Variants in SLC34A2 observed in about 807,000 individuals in gnomAD.
The protein encoded by SLC34A2 is solute carrier family 34 member 2, also known as sodium-dependent phosphate transport protein 2B.
Under a neutral mutation model 50.8 loss-of-function variants are expected in SLC34A2, and 41 were observed. The observed-to-expected ratio is 0.81, with a 90% confidence interval of 0.63 to 1.05. SLC34A2 has a LOEUF of 1.05. Ranked by LOEUF, SLC34A2 falls within the 50% of genes least tolerant of loss-of-function variation. The pLI, the probability that SLC34A2 is intolerant of heterozygous loss-of-function variation, is 0.00. For synonymous variants in SLC34A2, 401 were observed against 364.2 expected, an observed-to-expected ratio of 1.10 and a Z score of -1.15; for missense variants, 879 against 876.7, an observed-to-expected ratio of 1.00 and a Z score of -0.03.
intron 10 of SLC34A2, 67 bp from the exon 11 acceptor site, chr4:25,674,210 TCACCCCTAAGCCCAGCCCC>T (rs1386708463): frequency 6.4e-5 from 58 of 907,652 alleles, no homozygotes; most frequent in Non-Finnish European, 9.9e-5. Flanking sequence ...ATGTACAACC[TCACCCCTAAGCCCAGCCCC>T]TACCCCAGGC....
Position 25,674,512 on chromosome 4 carries a change from C to G in SLC34A2, c.1341C>G (p.Gly447=). The G allele has an allele frequency of 1.2e-6, 2 of 1,614,216 alleles. No homozygotes were observed. Among genetic ancestry groups the G allele is most frequent in the Non-Finnish European group, 1.7e-6 (2 of 1,180,038 alleles). The change falls in exon 12 of 13, where the codon GGC becomes GGG. Residue 447 remains glycine (G), a synonymous_variant. Coordinates refer to ENST00000382051, the MANE Select transcript of SLC34A2 (RefSeq NM_006424.3). ...GTTTTGTGTTTCCCCCAGGAATCGG[C>G]GTGATAACCATTGAGAGGGCTTATC... ...TSALTPLIGI[G]VITIERAYPL... is the part of the protein sequence containing the mutation.
intron 8 of SLC34A2, among the ~76,000 whole-genome samples, chr4:25,671,260 T>C (rs573312051): frequency 3.9e-5 from 6 of 152,256 alleles, no homozygotes; most frequent in African/African-American, 1.4e-4. Context: ...ATTCATGCCC[T>C]CTGTCAGGAA....
chr4:25,664,328 G>T lies in SLC34A2; in HGVS notation c.377G>T (p.Gly126Val). The stretch of plus-strand genomic sequence containing the variant: ...CTTAGTAGCGCCTTCCAGCTGGTTG[G>T]AGGTAAGAATGAAAGGGTGAGAGGT... ...DILSSAFQLV[G>V]GKMAGQFFSN... is the part of the protein sequence containing the mutation. The change falls in exon 4 of 13, where the codon GGA becomes GTA. Residue 126 changes from glycine (G) to valine (V), a missense_variant and splice_region_variant. Transcript: ENST00000382051. 1 of 1,614,130 alleles carries T rather than the reference G, an allele frequency of 6.2e-7. No homozygotes were observed. Among genetic ancestry groups the T allele is most frequent in the South Asian group, 1.1e-5 (1 of 91,086 alleles).
At chr4:25,670,955 AAAAATC>A in intron 8 of SLC34A2, 122 bp downstream of exon 8, 1 of 811,668 alleles carries the variant, frequency 1.2e-6, no homozygotes, top group Non-Finnish European at 2.1e-6. Flanking sequence ...GGAGTCCCTG[AAAAATC>A]AAAAGTGACC....
chr4:25,667,828 T>C, intron 5 of SLC34A2, 52 bp from the exon 6 acceptor site: 1 of 1,223,034 alleles, frequency 8.2e-7, no homozygotes, highest in Non-Finnish European at 1.2e-6. Context: ...AACTTTAGCC[T>C]GCCTCCAGGC....
Position 25,669,785 on chromosome 4 carries a change from A to C in SLC34A2, c.774A>C (p.Glu258Asp), listed in dbSNP as rs1305633157. The C allele has an allele frequency of 3.7e-6, 6 of 1,614,216 alleles. No individual in the cohort carries two copies. The highest frequency in any genetic ancestry group is 5.1e-6 in the Non-Finnish European group (6 of 1,180,046). The change falls in exon 7 of 13, where the codon GAA becomes GAC. Residue 258 changes from glutamate (E) to aspartate (D), a missense_variant. By Grantham distance (45) the Glu-to-Asp change is conservative. Coordinates refer to ENST00000382051, the MANE Select transcript of SLC34A2 (RefSeq NM_006424.3). Reference sequence around the variant, plus strand: ...AGAGCTTCCACTTCAAGAATGGAGAAGATGCCCCAGATCTTCTGAAAGTCA... The same window carrying C: ...AGAGCTTCCACTTCAAGAATGGAGACGATGCCCCAGATCTTCTGAAAGTCA... ...IVESFHFKNG[E>D]DAPDLLKVIT... is the part of the protein sequence containing the mutation.
chr4:25,668,556 C>T (rs954495858), intron 6 of SLC34A2, among the ~76,000 whole-genome samples: 4 of 151,814 alleles, frequency 2.6e-5, no homozygotes, highest in East Asian at 1.9e-4. Context: ...GCAGGAGAAT[C>T]GCTTGAACCC....
At chr4:25,673,728 C>G (rs76627887) in intron 10 of SLC34A2, among the ~76,000 whole-genome samples, 3 of 152,192 alleles carry the variant, frequency 2.0e-5, no homozygotes, top group African/African-American at 7.2e-5. Flanking sequence ...AATGAGAGCT[C>G]GCTAAGCCAA....
At chr4:25,675,330 C>T (rs1197707254) in intron 12 of SLC34A2, among the ~76,000 whole-genome samples, 2 of 152,200 alleles carry the variant, frequency 1.3e-5, no homozygotes, top group African/African-American at 2.4e-5. Context: ...TGCACCCAGC[C>T]GGGGATTTGA....
chr4:25,661,456 C>T (rs765183259), intron 1 of SLC34A2, among the ~76,000 whole-genome samples: 1 of 152,190 alleles, frequency 6.6e-6, no homozygotes, highest in Non-Finnish European at 1.5e-5. Flanking sequence ...GGCATGATCT[C>T]AGTTCACTAC....
chr4:25,666,003 T>A, intron 4 of SLC34A2, 125 bp from the exon 5 acceptor site: 1 of 1,164,936 alleles, frequency 8.6e-7, no homozygotes, highest in Non-Finnish European at 1.3e-6. Flanking sequence ...CCTGCAGCGA[T>A]GGAGGCTGGA....
At chr4:25,671,100 G>A (rs1444189305) in intron 8 of SLC34A2, among the ~76,000 whole-genome samples, 1 of 152,178 alleles carries the variant, frequency 6.6e-6, no homozygotes, top group Non-Finnish European at 1.5e-5. Context: ...ATGCCTCTTG[G>A]AGAAGGCTTA....
chr4:25,664,463 C>T, intron 4 of SLC34A2, 133 bp downstream of exon 4: 1 of 937,694 alleles, frequency 1.1e-6, no homozygotes, highest in South Asian at 1.4e-5. Flanking sequence ...GACCTCAGAT[C>T]ATTTATGAAG....
At chr4:25,674,470 G>A (rs769987036) in intron 11 of SLC34A2, 35 bp from the exon 12 acceptor site, 6 of 1,614,202 alleles carry the variant, frequency 3.7e-6, no homozygotes, top group Non-Finnish European at 5.1e-6. Flanking sequence ...GTCATCCCAT[G>A]GGGCTGATAT....
chr4:25,658,682 G>C (rs1028435381), intron 1 of SLC34A2, among the ~76,000 whole-genome samples: 1 of 152,176 alleles, frequency 6.6e-6, no homozygotes, highest in Non-Finnish European at 1.5e-5. Flanking sequence ...GTGTGGCAGC[G>C]GGGGAGCCCC....
Position 25,670,858 on chromosome 4 carries a change from G to C in SLC34A2, c.927+25G>C, listed in dbSNP as rs746488364. Reference sequence around the variant, plus strand: ...GGTACGTTTCCAAGAATATTCCCGGGGCGGGGAGTGAACCTTTGCATCTGA... The same window carrying C: ...GGTACGTTTCCAAGAATATTCCCGGCGCGGGGAGTGAACCTTTGCATCTGA... On this transcript the variant is annotated intron_variant, in intron 8 of 12. Coordinates refer to ENST00000382051, the MANE Select transcript of SLC34A2 (RefSeq NM_006424.3). 216 of 1,565,170 alleles carry C rather than the reference G, an allele frequency of 1.4e-4. 3 individuals carry two copies. The highest frequency in any genetic ancestry group is 2.7e-5 in the Non-Finnish European group (31 of 1,136,534).
At chr4:25,658,348 G>A (rs1297612717) in intron 1 of SLC34A2, among the ~76,000 whole-genome samples, 1 of 152,158 alleles carries the variant, frequency 6.6e-6, no homozygotes, top group Admixed American at 6.6e-5. Context: ...GAGACTGTGT[G>A]TCCATGTTCT....
chr4:25,665,967 C>T (rs1003821634), intron 4 of SLC34A2, among the ~76,000 whole-genome samples, 161 bp from the exon 5 acceptor site: 2 of 152,144 alleles, frequency 1.3e-5, no homozygotes, highest in African/African-American at 4.8e-5. Context: ...TGGGAAGAGG[C>T]ATGGGGAAGC....
rs1714272729 is a variant in SLC34A2, at chr4:25,662,751, C to T, written c.159C>T (p.Ser53=). The T allele has an allele frequency of 4.3e-6, 7 of 1,614,098 alleles. No homozygotes were observed. The highest frequency in any genetic ancestry group is 2.5e-6 in the Non-Finnish European group (3 of 1,179,998). ...APVTKIELLP[S]YSTATLIDEP... is the part of the protein sequence containing the mutation. ...TAACCAAGATTGAACTTCTGCCGTCCTACTCCACGGCTACACTGATAGATG... is the reference window on the plus strand; with the variant it reads ...TAACCAAGATTGAACTTCTGCCGTCTTACTCCACGGCTACACTGATAGATG... Residue 53 remains serine (S), a synonymous_variant, in exon 3 of 13, where the codon TCC becomes TCT. Coordinates refer to ENST00000382051, the MANE Select transcript of SLC34A2 (RefSeq NM_006424.3).
Sources: allele counts gnomAD v4.1 joint callset (sites outside exome capture counted in the v4.1 genomes callset), GRCh38; gene constraint gnomAD v4.1.1; transcripts MANE v1.5; gene names NCBI Gene and HGNC (gene_info 2026-07-23, HGNC 2026-07-21).